ASIC2: variants seen among roughly 807,000 people sequenced by gnomAD.
The protein encoded by ASIC2 is acid sensing ion channel subunit 2, also known as acid-sensing ion channel 2.
Under a neutral mutation model 57.3 loss-of-function variants are expected in ASIC2, and 25 were observed. The ratio of observed to expected loss-of-function variants is 0.44; its 90% CI spans 0.32 to 0.61. ASIC2 has a LOEUF of 0.61. Ranked by LOEUF, ASIC2 falls within the 20% of genes least tolerant of loss-of-function variation. The probability of loss-of-function intolerance (pLI) is 0.06; values close to 1 mark genes in which losing one functional copy is unlikely to be tolerated. For missense variants in ASIC2, 641 were observed against 738.1 expected (o/e 0.87, Z 1.52); for synonymous variants, 319 against 307.5 (o/e 1.04, Z -0.39).
chr17:33,285,146 C>G (rs1316887231), intron 1 of ASIC2, among the ~76,000 whole-genome samples: 1 of 152,240 alleles, frequency 6.6e-6, no homozygotes, highest in Non-Finnish European at 1.5e-5. Flanking sequence ...TCCAGCCCTT[C>G]TCCATTGGGC....
chr17:33,349,972 C>G (rs769123826), intron 1 of ASIC2, among the ~76,000 whole-genome samples: 15 of 151,960 alleles, frequency 9.9e-5, no homozygotes, highest in Admixed American at 2.6e-4. Flanking sequence ...CTAATGTGTT[C>G]TGGGAATTGG....
intron 1 of ASIC2, among the ~76,000 whole-genome samples, chr17:33,203,400 G>C (rs1906951413): frequency 6.6e-6 from 1 of 152,172 alleles, no homozygotes; most frequent in Non-Finnish European, 1.5e-5. Context: ...ACAGTTGGAG[G>C]ACTGACTGGA....
Position 33,292,373 on chromosome 17 carries a change from A to G in ASIC2, c.-258T>C, listed in dbSNP as rs1335847116. The G allele has an allele frequency of 1.3e-5, 13 of 985,300 alleles. No individual in the cohort carries two copies. Among genetic ancestry groups the G allele is most frequent in the Non-Finnish European group, 1.6e-5 (13 of 830,372 alleles). The allele number at this position is 985,300 out of a possible 1,614,324, so 61.0% of individuals were successfully genotyped here. On this transcript the variant is annotated 5_prime_UTR_variant, in exon 1 of 10. Transcript: ENST00000225823. ...CAGTGGCCTCTCCCGAGCGCCTCCCAGGCTTTCCCGGCCCCTGGTCTTCCT... is the reference window on the plus strand; with the variant it reads ...CAGTGGCCTCTCCCGAGCGCCTCCCGGGCTTTCCCGGCCCCTGGTCTTCCT...
At chr17:33,220,675 TG>T (rs1907656756) in intron 1 of ASIC2, among the ~76,000 whole-genome samples, 2 of 152,296 alleles carry the variant, frequency 1.3e-5, no homozygotes, top group South Asian at 4.1e-4. Flanking sequence ...GGTCAATACA[TG>T]TTATTGATCT....
intron 1 of ASIC2, among the ~76,000 whole-genome samples, chr17:33,328,108 AT>A (rs1299198188): frequency 6.6e-6 from 1 of 150,698 alleles, no homozygotes; most frequent in Non-Finnish European, 1.5e-5. Flanking sequence ...GGGAGAAGCC[AT>A]TTGTTTTAAG....
intron 1 of ASIC2, among the ~76,000 whole-genome samples, chr17:33,483,302 C>T (rs558276420): frequency 1.3e-5 from 2 of 152,330 alleles, no homozygotes; most frequent in East Asian, 3.9e-4. Context: ...TGCAGTTTTG[C>T]CCAAGTCTTG....
chr17:34,025,998 G>T (rs1048573432), intron 1 of ASIC2, among the ~76,000 whole-genome samples: 1 of 152,154 alleles, frequency 6.6e-6, no homozygotes, highest in African/African-American at 2.4e-5. Context: ...CTGTGAAATG[G>T]GTATGGTGGG....
At chr17:33,821,128 G>T (rs1234804927) in intron 1 of ASIC2, among the ~76,000 whole-genome samples, 1 of 152,186 alleles carries the variant, frequency 6.6e-6, no homozygotes, top group Non-Finnish European at 1.5e-5. Context: ...GATGTGGATG[G>T]TGGGTATTGA....
chr17:33,346,309 T>C (rs906111321), intron 1 of ASIC2, among the ~76,000 whole-genome samples: 1 of 150,666 alleles, frequency 6.6e-6, no homozygotes, highest in African/African-American at 2.4e-5. Flanking sequence ...CAATGTATTT[T>C]GGAAGCAGAA....
At chr17:33,775,427 G>C (rs1911238845) in intron 1 of ASIC2, among the ~76,000 whole-genome samples, 2 of 152,222 alleles carry the variant, frequency 1.3e-5, no homozygotes, top group African/African-American at 4.8e-5. Context: ...TGATTAACAT[G>C]AAGTATTTCT....
At chr17:33,151,724 C>A (rs1399513067) in intron 1 of ASIC2, among the ~76,000 whole-genome samples, 1 of 152,178 alleles carries the variant, frequency 6.6e-6, no homozygotes, top group Non-Finnish European at 1.5e-5. Flanking sequence ...TGCTCTCTTG[C>A]CTGTCCTCCT....
chr17:33,608,083 A>C (rs375415217), intron 1 of ASIC2, among the ~76,000 whole-genome samples: 3 of 152,180 alleles, frequency 2.0e-5, no homozygotes, highest in African/African-American at 7.2e-5. Context: ...AATCGGGCCA[A>C]GGAAAGGAAG....
At chr17:34,113,130 T>A (rs558395104) in intron 1 of ASIC2, among the ~76,000 whole-genome samples, 13 of 152,158 alleles carry the variant, frequency 8.5e-5, no homozygotes, top group Non-Finnish European at 1.8e-4. Context: ...GACCAGTGAA[T>A]GATGACCCTT....
At chr17:33,692,991 T>C (rs933979380) in intron 1 of ASIC2, among the ~76,000 whole-genome samples, 1 of 152,240 alleles carries the variant, frequency 6.6e-6, no homozygotes, top group African/African-American at 2.4e-5. Flanking sequence ...CTTTAATTTG[T>C]CTGAAATTCT....
intron 1 of ASIC2, among the ~76,000 whole-genome samples, chr17:33,710,907 A>T (rs1353784732): frequency 1.1e-4 from 17 of 152,186 alleles, no homozygotes; most frequent in African/African-American, 4.1e-4. Context: ...TTTGTTAAAA[A>T]GCAGTAGTTT....
At chr17:33,051,790 T>C (rs1372378851) in intron 3 of ASIC2, among the ~76,000 whole-genome samples, 2 of 152,200 alleles carry the variant, frequency 1.3e-5, no homozygotes, top group Non-Finnish European at 2.9e-5. Flanking sequence ...GAGATCCTCA[T>C]TGGCAAAAGA....
chr17:33,331,874 G>A (rs1191461985), intron 1 of ASIC2, among the ~76,000 whole-genome samples: 1 of 152,208 alleles, frequency 6.6e-6, no homozygotes, highest in Non-Finnish European at 1.5e-5. Context: ...TCCAAACTAG[G>A]CAACTGCGAA....
At chr17:33,452,641 C>T (rs1363986007) in intron 1 of ASIC2, among the ~76,000 whole-genome samples, 1 of 151,960 alleles carries the variant, frequency 6.6e-6, no homozygotes, top group African/African-American at 2.4e-5. Flanking sequence ...ATAATGATGC[C>T]ATGCACGACC....
At chr17:33,038,284 C>T (rs1203533768) in intron 3 of ASIC2, among the ~76,000 whole-genome samples, 1 of 152,238 alleles carries the variant, frequency 6.6e-6, no homozygotes, top group African/African-American at 2.4e-5. Context: ...TCTAGCTCCA[C>T]CTTGGCTCTC....
Sources: allele counts gnomAD v4.1 joint callset (sites outside exome capture counted in the v4.1 genomes callset), GRCh38; gene constraint gnomAD v4.1.1; transcripts MANE v1.5; gene names NCBI Gene and HGNC (gene_info 2026-07-23, HGNC 2026-07-21).